The following SLC26A7 variants were observed in gnomAD, a reference collection of about 807,000 sequenced individuals.
The protein encoded by SLC26A7 is solute carrier family 26 member 7.
SLC26A7 carries 59 observed loss-of-function variants against 82.5 expected under a neutral mutation model. The observed-to-expected ratio is 0.72, with a 90% CI of 0.58 to 0.89. The LOEUF (loss-of-function observed/expected upper bound fraction) is 0.89. Ranked by LOEUF, SLC26A7 falls within the 40% of genes least tolerant of loss-of-function variation. The pLI is 0.00. For missense variants in SLC26A7, 820 were observed against 793.0 expected (o/e 1.03, Z -0.41); for synonymous variants, 271 against 274.3 (o/e 0.99, Z 0.12).
intron 18 of SLC26A7, chr8:91,394,638 A>G: frequency 8.8e-7 from 1 of 1,133,916 alleles, no homozygotes; most frequent in South Asian, 3.0e-5. Context: ...TCGCAGAGTC[A>G]TCCCTATTGT....
intron 15 of SLC26A7, among the ~76,000 whole-genome samples, chr8:91,376,005 C>CT (rs939048849): frequency 5.3e-5 from 8 of 151,750 alleles, no homozygotes; most frequent in East Asian, 3.9e-4. Context: ...TAAAATTATT[C>CT]TTTTTTTTCT....
intron 2 of SLC26A7, among the ~76,000 whole-genome samples, chr8:91,269,242 G>T (rs1811200939): frequency 6.6e-6 from 1 of 151,970 alleles, no homozygotes; most frequent in Non-Finnish European, 1.5e-5. Flanking sequence ...TTAGCTTAAA[G>T]AACTTTCTTT....
At chr8:91,351,527 T>G (rs1813715419) in intron 9 of SLC26A7, among the ~76,000 whole-genome samples, 1 of 152,192 alleles carries the variant, frequency 6.6e-6, no homozygotes, top group African/African-American at 2.4e-5. Context: ...GCCATCACTG[T>G]GATTGTGATA....
chr8:91,334,557 C>T (rs995154323), intron 6 of SLC26A7, 110 bp downstream of exon 6: 1 of 935,284 alleles, frequency 1.1e-6, no homozygotes, highest in African/African-American at 1.7e-5. Context: ...CTACTCCTGT[C>T]TCTCATTAAA....
chr8:91,322,608 C>G (rs1317002989), intron 5 of SLC26A7, among the ~76,000 whole-genome samples: 3 of 152,096 alleles, frequency 2.0e-5, no homozygotes, highest in Non-Finnish European at 4.4e-5. Flanking sequence ...ACAAAAATTC[C>G]TAGTTCGTAT....
intron 2 of SLC26A7, among the ~76,000 whole-genome samples, chr8:91,286,795 G>C (rs1326559077): frequency 6.6e-6 from 1 of 152,150 alleles, no homozygotes; most frequent in Non-Finnish European, 1.5e-5. Context: ...GTGTATGTGT[G>C]TGCATATGCT....
At chr8:91,335,697 A>G (rs1352565859) in intron 6 of SLC26A7, among the ~76,000 whole-genome samples, 1 of 152,210 alleles carries the variant, frequency 6.6e-6, no homozygotes, top group Non-Finnish European at 1.5e-5. Context: ...TATCCCTAAC[A>G]TTTCTAAGAC....
At chr8:91,237,120 C>A (rs1248786657) in intron 2 of SLC26A7, among the ~76,000 whole-genome samples, 1 of 152,200 alleles carries the variant, frequency 6.6e-6, no homozygotes, top group African/African-American at 2.4e-5. Context: ...AGGGGTAGAA[C>A]ATACCCTGAA....
At chr8:91,302,257 G>T (rs112647810) in intron 4 of SLC26A7, among the ~76,000 whole-genome samples, 2 of 151,686 alleles carry the variant, frequency 1.3e-5, no homozygotes, top group African/African-American at 4.8e-5. Flanking sequence ...TTGCCTTTTT[G>T]ATTTTTTTTG....
chr8:91,354,194 G>C (rs1813799509), intron 11 of SLC26A7, among the ~76,000 whole-genome samples: 1 of 152,070 alleles, frequency 6.6e-6, no homozygotes, highest in Non-Finnish European at 1.5e-5. Flanking sequence ...TAACCCTATG[G>C]TTAAGTTATT....
chr8:91,218,863 A>G, intron 1 of SLC26A7: 1 of 1,435,000 alleles, frequency 7.0e-7, no homozygotes. Context: ...CACTGCCTAA[A>G]TTTTATTTTT....
intron 8 of SLC26A7, among the ~76,000 whole-genome samples, chr8:91,341,364 C>T (rs1409750209): frequency 6.6e-6 from 1 of 152,054 alleles, no homozygotes; most frequent in Non-Finnish European, 1.5e-5. Context: ...ATATGTGCCA[C>T]ATTTTCTTGA....
chr8:91,370,682 T>TAA (rs1814332680), intron 15 of SLC26A7, among the ~76,000 whole-genome samples: 1 of 151,988 alleles, frequency 6.6e-6, no homozygotes, highest in Non-Finnish European at 1.5e-5. Flanking sequence ...TAGAGAAAAT[T>TAA]AAAAGATATA....
At chr8:91,370,888 T>A (rs971741264) in intron 15 of SLC26A7, among the ~76,000 whole-genome samples, 2 of 151,946 alleles carry the variant, frequency 1.3e-5, no homozygotes, top group Non-Finnish European at 2.9e-5. Context: ...TCATGCAATA[T>A]TTGCTTAGCC....
In SLC26A7 at chr8:91,362,445, AG is replaced by A; in HGVS notation, c.1409del (p.Gly470AspfsTer7). The A allele has an allele frequency of 1.2e-6, 2 of 1,612,706 alleles. No individual in the cohort carries two copies. Among genetic ancestry groups the A allele is most frequent in the Non-Finnish European group, 1.7e-6 (2 of 1,179,076 alleles). ...TTGTTTGTACCATAGCTATAGTGAT[AG>A]GACGCTTCCCAAGGTAGGATCCTAT... The part of the protein sequence containing the change: ...GVVCTIAIVI[G>X]RFPRAMTVSI... On this transcript the variant is annotated frameshift_variant, in exon 12 of 19. Transcript: ENST00000276609. LOFTEE classifies it high-confidence loss of function.
intron 11 of SLC26A7, among the ~76,000 whole-genome samples, chr8:91,356,788 A>T (rs1586447993): frequency 6.6e-6 from 1 of 151,956 alleles, no homozygotes; most frequent in Non-Finnish European, 1.5e-5. Flanking sequence ...GGTGTTTTTT[A>T]TTCATTATTT....
chr8:91,222,862 C>T (rs967186180), intron 2 of SLC26A7, among the ~76,000 whole-genome samples: 7 of 152,000 alleles, frequency 4.6e-5, no homozygotes, highest in African/African-American at 1.4e-4. Context: ...ATAAAATGAG[C>T]GAGGAGTCCC....
chr8:91,299,047 G>A (rs1045317865), intron 4 of SLC26A7, among the ~76,000 whole-genome samples: 3 of 152,034 alleles, frequency 2.0e-5, no homozygotes, highest in Non-Finnish European at 2.9e-5. Flanking sequence ...GGTAATTTGA[G>A]TTTCTTTAAT....
intron 1 of SLC26A7, among the ~76,000 whole-genome samples, chr8:91,217,973 A>G (rs1050392425): frequency 1.3e-5 from 2 of 152,118 alleles, no homozygotes; most frequent in Admixed American, 6.6e-5. Flanking sequence ...CTGCTGATAC[A>G]TCACCAGGGT....
Sources: gnomAD v4.1 joint callset for allele counts (sites outside exome capture counted in the v4.1 genomes callset) on GRCh38, gnomAD v4.1.1 for gene constraint, MANE v1.5 for transcripts, NCBI Gene and HGNC (gene_info 2026-07-23, HGNC 2026-07-21) for gene names.